The following MYO9B variants were observed in gnomAD, a reference collection of about 807,000 sequenced individuals.
The protein encoded by MYO9B is myosin IXB.
Under a neutral mutation model 229.5 loss-of-function variants are expected in MYO9B, and 71 were observed. The observed-to-expected ratio is 0.31, with a 90% CI of 0.26 to 0.38. The LOEUF (loss-of-function observed/expected upper bound fraction) is 0.38, where lower values mean the gene tolerates loss of function less well. Among genes scored for constraint, MYO9B ranks in the 10% least tolerant of loss-of-function variants. The pLI is 1.00. For missense variants in MYO9B, 2,255 were observed against 2,920.5 expected, an observed-to-expected ratio of 0.77 and a Z score of 5.25; for synonymous variants, 1,185 against 1,235.8, an observed-to-expected ratio of 0.96 and a Z score of 0.86.
At chr19:17,122,179 A>G (rs73519683) in intron 2 of MYO9B, among the ~76,000 whole-genome samples, 1,813 of 152,250 alleles carry the variant, frequency 0.012, 45 homozygotes, top group African/African-American at 0.04. Flanking sequence ...ATACGGTGCA[A>G]GCTGGTTGCA....
rs758690923 is a variant in MYO9B, at chr19:17,200,256, T to G, written c.4239-37T>G. 3.8e-6 allele frequency: 6 copies of G among 1,591,512 alleles called. No individual in the cohort carries two copies. The South Asian group carries it at 5.7e-5, about 15-fold the overall frequency. On this transcript the variant is annotated intron_variant, in intron 24 of 39. Transcript: ENST00000682292. ...GGCTGGGCCTCACGTCCATTTTCAT[T>G]TCAGACTTAAAAGAAGCCACGTACT...
intron 1 of MYO9B, among the ~76,000 whole-genome samples, chr19:17,083,223 A>G (rs903608088): frequency 1.3e-5 from 2 of 151,770 alleles, no homozygotes; most frequent in Non-Finnish European, 2.9e-5. Flanking sequence ...GTTTATAGAG[A>G]CAGGGTTTCA....
chr19:17,131,943 A>G (rs1362021515), intron 2 of MYO9B, among the ~76,000 whole-genome samples: 1 of 152,040 alleles, frequency 6.6e-6, no homozygotes, highest in Non-Finnish European at 1.5e-5. Context: ...GTAATGGCAC[A>G]ATCATGGCTC....
chr19:17,206,008 C>T lies in MYO9B; in HGVS notation c.5113C>T (p.Leu1705=). 1 of 1,604,360 alleles carries T rather than the reference C, an allele frequency of 6.2e-7. No homozygotes were observed. Among genetic ancestry groups the T allele is most frequent in the Non-Finnish European group, 8.5e-7 (1 of 1,175,060 alleles). Residue 1705 remains leucine, a synonymous_variant, in exon 32 of 40, where the codon CTG becomes TTG. Coordinates refer to ENST00000682292, the MANE Select transcript of MYO9B (RefSeq NM_004145.4). The part of the protein sequence containing the change: ...PGHFGVCVDS[L]TSDKASVPIV... The stretch of plus-strand genomic sequence containing the variant: ...CCACTTCGGCGTGTGCGTAGACAGC[C>T]TGACCAGCGACAAGGCCTCGGTGCC...
At chr19:17,167,148 A>G (rs762628654) in intron 10 of MYO9B, among the ~76,000 whole-genome samples, 3 of 151,828 alleles carry the variant, frequency 2.0e-5, no homozygotes, top group African/African-American at 2.4e-5. Flanking sequence ...AAATGCTTCA[A>G]TGAGCGTTGT....
intron 1 of MYO9B, among the ~76,000 whole-genome samples, chr19:17,092,256 T>G (rs1157409416): frequency 6.6e-6 from 1 of 152,198 alleles, no homozygotes; most frequent in East Asian, 1.9e-4. Context: ...CAGCCATAAG[T>G]CAGCCCAAAG....
chr19:17,182,153 C>T (rs2072869012), intron 15 of MYO9B, among the ~76,000 whole-genome samples: 1 of 151,720 alleles, frequency 6.6e-6, no homozygotes, highest in South Asian at 2.1e-4. Flanking sequence ...GATCACCGCT[C>T]ACGGCAGGTT....
intron 39 of MYO9B, 57 bp downstream of exon 39, chr19:17,211,831 G>A (rs1200071234): frequency 6.2e-7 from 1 of 1,609,104 alleles, no homozygotes; most frequent in Admixed American, 1.7e-5. Flanking sequence ...GCAGGCCCCA[G>A]GGCGAGGGTC....
At chr19:17,104,743 A>AAAAAACC (rs1023829721) in intron 2 of MYO9B, among the ~76,000 whole-genome samples, 1 of 151,772 alleles carries the variant, frequency 6.6e-6, no homozygotes, top group Admixed American at 6.6e-5. Flanking sequence ...AAAAAAAAAC[A>AAAAAACC]AAAAAACAGA....
intron 7 of MYO9B, among the ~76,000 whole-genome samples, chr19:17,158,359 G>A (rs567199967): frequency 9.0e-4 from 137 of 152,086 alleles, no homozygotes; most frequent in African/African-American, 2.6e-3. Flanking sequence ...ATCGTCTGAG[G>A]TCAGGAGTTT....
intron 4 of MYO9B, among the ~76,000 whole-genome samples, chr19:17,153,286 C>G (rs565786339): frequency 1.3e-5 from 2 of 151,094 alleles, no homozygotes; most frequent in African/African-American, 4.9e-5. Flanking sequence ...TGGATTCAAG[C>G]AATTCTCATG....
chr19:17,200,949 C>T (rs1423213119), intron 26 of MYO9B, 120 bp downstream of exon 26: 1 of 1,175,156 alleles, frequency 8.5e-7, no homozygotes, highest in Admixed American at 2.1e-5. Flanking sequence ...ATACAAAGTC[C>T]AGGCTCAGGC....
chr19:17,179,814 G>T (rs985660545), intron 14 of MYO9B, among the ~76,000 whole-genome samples: 29 of 151,340 alleles, frequency 1.9e-4, no homozygotes, highest in Middle Eastern at 3.4e-3. Context: ...CAGGAGAATC[G>T]CTTGAACCTG....
intron 19 of MYO9B, among the ~76,000 whole-genome samples, 155 bp downstream of exon 19, chr19:17,188,200 A>G (rs3826691): frequency 0.53 from 80,844 of 151,832 alleles, 23,347 homozygotes; most frequent in East Asian, 0.74. Context: ...AGGCTGAGGC[A>G]GGCGGATCAC....
intron 36 of MYO9B, 85 bp downstream of exon 36, chr19:17,209,794 C>T: frequency 1.6e-6 from 2 of 1,287,558 alleles, no homozygotes; most frequent in Non-Finnish European, 2.1e-6. Flanking sequence ...GGCTTTGTTG[C>T]TGGGAAGGCT....
rs1213609889 is a variant in MYO9B, at chr19:17,100,911, C to T, written c.-58-749C>T. Among the ~76,000 whole-genome samples the T allele has an allele frequency of 1.2e-4, 18 of 151,682 alleles. No individual in the cohort carries two copies. In the Admixed American group the frequency reaches 1.2e-3, roughly 10 times the overall value. On this transcript the variant is annotated intron_variant, in intron 1 of 39. Transcript: ENST00000682292. The stretch of plus-strand genomic sequence containing the variant: ...GGACAGGTTCAGTCTTGCTCATCCC[C>T]ACATGCCTCTCGCTGTTACTGCTGT...
intron 1 of MYO9B, among the ~76,000 whole-genome samples, chr19:17,085,796 T>C (rs1240165668): frequency 6.6e-6 from 1 of 152,136 alleles, no homozygotes; most frequent in Non-Finnish European, 1.5e-5. Context: ...GGGAGACCCC[T>C]GTTCTTACCC....
Position 17,194,698 on chromosome 19 carries a change from G to T in MYO9B, c.3271G>T (p.Ala1091Ser). 1 of 1,612,898 alleles carries T rather than the reference G, an allele frequency of 6.2e-7. No individual in the cohort carries two copies. Among genetic ancestry groups the T allele is most frequent in the Non-Finnish European group, 8.5e-7 (1 of 1,179,886 alleles). ...QQVAEQGPEP[A>S]EDGGHLASEP... is the part of the protein sequence containing the mutation. ...GGTAGCTGAGCAGGGGCCGGAGCCAGCGGAGGATGGCGGGCACCTGGCATC... is the reference window on the plus strand; with the variant it reads ...GGTAGCTGAGCAGGGGCCGGAGCCATCGGAGGATGGCGGGCACCTGGCATC... Residue 1091 changes from alanine to serine, a missense_variant, in exon 22 of 40, where the codon GCG becomes TCG. This residue lies in a region of MYO9B where 679 missense variants were observed against 770.2 expected (regional missense o/e 0.88). Transcript: ENST00000682292.
chr19:17,160,824 T>C (rs916488170), intron 8 of MYO9B, among the ~76,000 whole-genome samples: 2 of 152,130 alleles, frequency 1.3e-5, no homozygotes, highest in Non-Finnish European at 2.9e-5. Context: ...CTCAGCCTCC[T>C]GAGCAGCTGG....
Sources: gnomAD v4.1 joint callset for allele counts (sites outside exome capture counted in the v4.1 genomes callset) on GRCh38, gnomAD v4.1.1 for gene constraint, gnomAD v4.1.1 regional missense constraint, MANE v1.5 for transcripts, NCBI Gene and HGNC (gene_info 2026-07-23, HGNC 2026-07-21) for gene names.